Variants in DMD observed in about 807,000 individuals in gnomAD.
DMD encodes the protein dystrophin, also known as mutant dystrophin.
Under a neutral mutation model 330.1 loss-of-function variants are expected in DMD, and 63 were observed. That is an observed-to-expected ratio of 0.19 (90% CI 0.16 to 0.24). The LOEUF is 0.24. Among genes scored for constraint, DMD ranks in the 10% least tolerant of loss-of-function variants. The pLI is 1.00. For missense variants in DMD, 3,344 were observed against 2,684.1 expected, an observed-to-expected ratio of 1.25 and a Z score of -5.43; for synonymous variants, 1,223 against 959.8, an observed-to-expected ratio of 1.27 and a Z score of -5.07.
chrX:32,915,354 T>C (rs1357067109), intron 2 of DMD, among the ~76,000 whole-genome samples: 1 of 112,125 alleles, frequency 8.9e-6, no homozygotes, highest in African/African-American at 3.2e-5. Context: ...TAAAATGAGG[T>C]AAAATATAAT....
chrX:31,187,585 T>C (rs1294012625), intron 67 of DMD, among the ~76,000 whole-genome samples: 2 of 111,124 alleles, frequency 1.8e-5, no homozygotes, highest in African/African-American at 6.6e-5. Flanking sequence ...CACGAGAAGG[T>C]CAAATTAATG....
chrX:33,148,617 G>T (rs994341604), intron 1 of DMD, among the ~76,000 whole-genome samples: 2 of 111,657 alleles, frequency 1.8e-5, no homozygotes, highest in Non-Finnish European at 3.8e-5. Context: ...TATATTAAAT[G>T]TTCATGATTT....
At chrX:31,206,311 C>T (rs754734011) in intron 66 of DMD, among the ~76,000 whole-genome samples, 1 of 112,384 alleles carries the variant, frequency 8.9e-6, no homozygotes, top group South Asian at 3.7e-4. Context: ...ACTTTATCCC[C>T]TAGGAACATG....
chrX:32,107,372 GTC>G (rs57171203), intron 44 of DMD, among the ~76,000 whole-genome samples: 5,010 of 80,102 alleles, frequency 0.063, 255 homozygotes, highest in African/African-American at 0.22. Flanking sequence ...GTGTGTGTGT[GTC>G]TCTGTGTGTG....
intron 1 of DMD, among the ~76,000 whole-genome samples, chrX:33,060,924 A>G (rs2094575339): frequency 8.9e-6 from 1 of 112,059 alleles, no homozygotes; most frequent in Non-Finnish European, 1.9e-5. Flanking sequence ...GTTCAGAAAC[A>G]TTGGGTTAAA....
chrX:31,274,143 C>T (rs1385085342), intron 62 of DMD, among the ~76,000 whole-genome samples: 1 of 111,573 alleles, frequency 9.0e-6, no homozygotes, highest in Non-Finnish European at 1.9e-5. Flanking sequence ...GTAAACTGCT[C>T]TTTAGCAGTT....
chrX:32,001,536 AT>A (rs2095626927), intron 44 of DMD, among the ~76,000 whole-genome samples: 1 of 109,815 alleles, frequency 9.1e-6, no homozygotes, highest in Non-Finnish European at 1.9e-5. Context: ...CTCCCCTCCA[AT>A]CTCACCCCCA....
intron 52 of DMD, among the ~76,000 whole-genome samples, chrX:31,696,475 T>C (rs1158517262): frequency 2.7e-5 from 3 of 111,918 alleles, no homozygotes; most frequent in Non-Finnish European, 5.7e-5. Flanking sequence ...GTAGTCACCC[T>C]TGTGAAATGT....
chrX:32,083,152 C>T (rs1172260053), intron 44 of DMD, among the ~76,000 whole-genome samples: 8 of 112,350 alleles, frequency 7.1e-5, no homozygotes, highest in Non-Finnish European at 1.3e-4. Context: ...TTCAAGAAGT[C>T]CTGCATAACT....
intron 11 of DMD, among the ~76,000 whole-genome samples, chrX:32,627,770 T>G: frequency 8.9e-6 from 1 of 111,924 alleles, no homozygotes. Context: ...GGTGGAATTT[T>G]ATACAGAGAT....
intron 30 of DMD, among the ~76,000 whole-genome samples, chrX:32,408,833 G>A (rs754111878): frequency 9.0e-6 from 1 of 110,996 alleles, no homozygotes; most frequent in Admixed American, 9.7e-5. Context: ...ATTGAAGTTA[G>A]TCCCTATTCT....
intron 12 of DMD, among the ~76,000 whole-genome samples, chrX:32,609,568 G>T (rs1275116485): frequency 9.0e-6 from 1 of 111,198 alleles, no homozygotes; most frequent in African/African-American, 3.3e-5. Context: ...GAAATGAAAT[G>T]TCAGATCCTT....
intron 9 of DMD, among the ~76,000 whole-genome samples, chrX:32,690,253 A>G (rs2063180165): frequency 1.8e-5 from 2 of 111,162 alleles, no homozygotes; most frequent in Admixed American, 1.9e-4. Flanking sequence ...TCTAGGAGAC[A>G]AATTCCATTC....
chrX:32,421,965 T>A (rs1358964340), intron 29 of DMD, among the ~76,000 whole-genome samples: 1 of 111,593 alleles, frequency 9.0e-6, no homozygotes, highest in Non-Finnish European at 1.9e-5. Context: ...AGTGATGCCC[T>A]TTCCGTGTCA....
At chrX:33,008,070 G>C (rs1383252950) in intron 2 of DMD, among the ~76,000 whole-genome samples, 1 of 111,547 alleles carries the variant, frequency 9.0e-6, no homozygotes, top group Admixed American at 9.6e-5. Context: ...AGGTCTCTTA[G>C]TTTGCACTCA....
At chrX:33,278,745 G>A (rs111323805) in intron 1 of DMD, among the ~76,000 whole-genome samples, 76 of 111,009 alleles carry the variant, frequency 6.8e-4, no homozygotes, top group African/African-American at 2.4e-3. Context: ...TTAGTTCTTC[G>A]AGAAATCTCC....
chrX:32,192,194 T>C (rs769341447), intron 44 of DMD, among the ~76,000 whole-genome samples: 2 of 111,291 alleles, frequency 1.8e-5, no homozygotes, highest in South Asian at 7.6e-4. Flanking sequence ...ATGAGGGAGG[T>C]ATGATACCCA....
chrX:31,550,051 C>G (rs1402819212), intron 55 of DMD, among the ~76,000 whole-genome samples: 1 of 111,495 alleles, frequency 9.0e-6, no homozygotes, highest in Non-Finnish European at 1.9e-5. Context: ...TGTTTTGAGT[C>G]ATCTAAGCAA....
At chrX:31,314,210 T>A (rs889430204) in intron 62 of DMD, among the ~76,000 whole-genome samples, 5 of 112,288 alleles carry the variant, frequency 4.5e-5, no homozygotes, top group African/African-American at 1.6e-4. Context: ...GATGAAACAC[T>A]TTGTCATTTA....
Sources: gnomAD v4.1 joint callset for allele counts (sites outside exome capture counted in the v4.1 genomes callset) on GRCh38, gnomAD v4.1.1 for gene constraint, MANE v1.5 for transcripts, NCBI Gene and HGNC (gene_info 2026-07-23, HGNC 2026-07-21) for gene names.